The following TENM2 variants were observed in gnomAD, a reference collection of about 807,000 sequenced individuals.
TENM2 encodes the protein teneurin transmembrane protein 2.
Under a neutral mutation model 245.2 loss-of-function variants are expected in TENM2, and 52 were observed. That is an observed-to-expected ratio of 0.21 (90% confidence interval 0.17 to 0.27). The LOEUF is 0.27. TENM2 is among the 10% of genes least tolerant of loss of function. The probability of loss-of-function intolerance (pLI) is 1.00; values close to 1 mark genes in which losing one functional copy is unlikely to be tolerated. For missense variants in TENM2, 3,046 were observed against 3,666.8 expected (o/e 0.83, Z 4.37); for synonymous variants, 1,363 against 1,438.9 (o/e 0.95, Z 1.19).
chr5:167,623,147 T>A (rs1173057215), intron 2 of TENM2, among the ~76,000 whole-genome samples: 1 of 152,156 alleles, frequency 6.6e-6, no homozygotes. Flanking sequence ...ATAGGGCTGC[T>A]ATTTTTTGTT....
At chr5:167,558,758 T>C (rs989259829) in intron 2 of TENM2, among the ~76,000 whole-genome samples, 2 of 152,020 alleles carry the variant, frequency 1.3e-5, no homozygotes, top group Admixed American at 6.6e-5. Context: ...GTACAATAAA[T>C]GTAATGTGCT....
Position 167,484,585 on chromosome 5 carries a change from C to T in TENM2, c.502+109112C>T, listed in dbSNP as rs1374192199. ...AATGCACTTCTGATGTTTAAACTAC[C>T]CAGTCTGTGGTTACAACAGCTCTAC... On this transcript the variant is annotated intron_variant, in intron 2 of 28. Coordinates refer to ENST00000518659, the Ensembl canonical transcript of TENM2. Among the ~76,000 whole-genome samples the T allele has an allele frequency of 2.0e-5, 3 of 152,258 alleles. No homozygotes were observed. In the East Asian group the frequency reaches 5.8e-4, roughly 29 times the overall value.
At chr5:167,464,623 G>T (rs1167323270) in intron 2 of TENM2, among the ~76,000 whole-genome samples, 1 of 151,998 alleles carries the variant, frequency 6.6e-6, no homozygotes, top group African/African-American at 2.4e-5. Context: ...AACATTAAGG[G>T]TGAAGAGCTA....
chr5:167,736,975 C>G (rs761530322), intron 2 of TENM2, among the ~76,000 whole-genome samples: 7 of 152,206 alleles, frequency 4.6e-5, no homozygotes, highest in African/African-American at 1.7e-4. Context: ...AGTCTCCCTA[C>G]TGAATGGCAG....
intron 13 of TENM2, among the ~76,000 whole-genome samples, chr5:168,172,247 GATATAGACATTTAATGTCC>G (rs1758907073): frequency 6.6e-6 from 1 of 152,178 alleles, no homozygotes; most frequent in Non-Finnish European, 1.5e-5. Flanking sequence ...TGAGAAATCC[GATATAGACATTTAATGTCC>G]CAGGAACACA....
intron 12 of TENM2, among the ~76,000 whole-genome samples, chr5:168,158,004 C>T (rs1757340394): frequency 6.6e-6 from 1 of 152,162 alleles, no homozygotes; most frequent in African/African-American, 2.4e-5. Context: ...CTCACTGCAG[C>T]CTCTGCCTTC....
chr5:167,505,861 T>A lies in TENM2; in HGVS notation c.502+130388T>A, dbSNP rs117859772. On this transcript the variant is annotated intron_variant, in intron 2 of 28. Transcript: ENST00000518659. ...GGATCATAATTGTCATGACCTTGGA[T>A]GAAGGAAGTCTGTCTTACGGAATTG... 3.7e-3 allele frequency among the ~76,000 whole-genome samples: 557 copies of A among 152,194 alleles called. 10 individuals are homozygous for A. Among genetic ancestry groups the A allele is most frequent in the East Asian group, 0.035 (182 of 5,152 alleles).
At chr5:167,684,206 G>A (rs962445995) in intron 2 of TENM2, among the ~76,000 whole-genome samples, 1 of 152,196 alleles carries the variant, frequency 6.6e-6, no homozygotes, top group Non-Finnish European at 1.5e-5. Context: ...TGAGACAGAT[G>A]GTCTCAGCCT....
chr5:167,411,731 ACT>A (rs1164392111), intron 2 of TENM2, among the ~76,000 whole-genome samples: 2 of 151,902 alleles, frequency 1.3e-5, no homozygotes, highest in African/African-American at 4.8e-5. Context: ...AACATTAATA[ACT>A]CTCTCTGTTG....
chr5:167,882,678 A>G (rs1242133726), intron 3 of TENM2, among the ~76,000 whole-genome samples: 1 of 152,196 alleles, frequency 6.6e-6, no homozygotes, highest in African/African-American at 2.4e-5. Context: ...CCAGATGCCT[A>G]TAAAACCATC....
At chr5:167,150,045 T>C in the TENM2 span, among the ~76,000 whole-genome samples, 1 of 152,134 alleles carries the variant, frequency 6.6e-6, no homozygotes, top group East Asian at 1.9e-4. Context: ...TTAATGACTA[T>C]TATAAAGTAA....
rs562261707 is a variant in TENM2 at position 168,142,713 on chromosome 5, T to C, written c.2422+15747T>C. Among the ~76,000 whole-genome samples, 4 of 152,210 alleles carry C rather than the reference T, an allele frequency of 2.6e-5. 1 individual carries two copies. The highest frequency in any genetic ancestry group is 2.0e-4 in the Admixed American group (3 of 15,290). On this transcript the variant is annotated intron_variant, in intron 12 of 28. Coordinates refer to ENST00000518659, the Ensembl canonical transcript of TENM2. Reference sequence around the variant, plus strand: ...CCTCCCAGGCTGTGGCTTTACCCCTTTCTCTTAAAATCCTGACAATACTTC... The same window carrying C: ...CCTCCCAGGCTGTGGCTTTACCCCTCTCTCTTAAAATCCTGACAATACTTC...
intron 1 of TENM2, among the ~76,000 whole-genome samples, chr5:167,371,590 A>C (rs1480192749): frequency 2.0e-5 from 3 of 151,688 alleles, no homozygotes; most frequent in Non-Finnish European, 4.4e-5. Flanking sequence ...CGAACTCTTG[A>C]CCTCAGGTGA....
At chr5:167,078,679 A>G in the TENM2 span, among the ~76,000 whole-genome samples, 1 of 152,218 alleles carries the variant, frequency 6.6e-6, no homozygotes, top group Non-Finnish European at 1.5e-5. Context: ...TCTGGCAAAT[A>G]GAGTTAGGAA....
chr5:167,274,195 G>A, the TENM2 span, among the ~76,000 whole-genome samples: 1 of 152,184 alleles, frequency 6.6e-6, no homozygotes, highest in Admixed American at 6.5e-5. Context: ...CCACTAACCT[G>A]TCCTCTAGTT....
chr5:167,355,017 A>G (rs1047263527), intron 1 of TENM2, among the ~76,000 whole-genome samples: 1 of 152,178 alleles, frequency 6.6e-6, no homozygotes, highest in Admixed American at 6.5e-5. Context: ...AAAATAAACC[A>G]TCAGGAATAA....
chr5:167,581,538 G>A (rs1173690217), intron 2 of TENM2, among the ~76,000 whole-genome samples: 3 of 152,174 alleles, frequency 2.0e-5, no homozygotes, highest in Admixed American at 6.5e-5. Flanking sequence ...CACATGTTCT[G>A]TATGTAGAGG....
the TENM2 span, among the ~76,000 whole-genome samples, chr5:167,263,119 G>A: frequency 6.6e-6 from 1 of 152,048 alleles, no homozygotes; most frequent in Non-Finnish European, 1.5e-5. Context: ...ATTTGGGAGG[G>A]GGTACAAATA....
rs70976420 is a variant in TENM2, at chr5:167,391,647, A to AAAAAAAAAAT, written c.502+16174_502+16175insAAAAAAAAAT. Among the ~76,000 whole-genome samples the AAAAAAAAAAT allele has an allele frequency of 3.9e-5, 5 of 126,838 alleles. 1 individual carries two copies. Among genetic ancestry groups the AAAAAAAAAAT allele is most frequent in the Non-Finnish European group, 3.1e-5 (2 of 63,646 alleles). The allele number at this position is 126,838 out of a possible 152,430, so 83.2% of individuals were successfully genotyped here. A position where few individuals can be genotyped will look rare whatever the true frequency, so the allele number is the denominator to read the frequency against. ...CAAAAAAAAAAAAAAAAAAAAAAAA[A>AAAAAAAAAAT]GCACTCTCAAGGATTTCTAACTTTA... is the stretch of plus-strand genomic sequence containing the variant. On this transcript the variant is annotated intron_variant, in intron 2 of 28. Transcript: ENST00000518659.
Sources: gnomAD v4.1 joint callset for allele counts (sites outside exome capture counted in the v4.1 genomes callset) on GRCh38, gnomAD v4.1.1 for gene constraint, MANE v1.5 for transcripts, NCBI Gene and HGNC (gene_info 2026-07-23, HGNC 2026-07-21) for gene names.